Variants in LRFN2 observed in about 807,000 individuals in gnomAD.
LRFN2 encodes leucine-rich repeat and fibronectin type-III domain-containing protein 2.
In LRFN2, 18 loss-of-function variants were observed where a neutral mutation model predicts 37.3. The observed-to-expected ratio is 0.48, with a 90% confidence interval of 0.33 to 0.72. The LOEUF (loss-of-function observed/expected upper bound fraction) is 0.72. Ranked by LOEUF, LRFN2 falls within the 30% of genes least tolerant of loss-of-function variation. The pLI is 0.02. For synonymous variants in LRFN2, 556 were observed against 466.6 expected (o/e 1.19, Z -2.47); for missense variants, 1,006 against 1,060.7 (o/e 0.95, Z 0.72).
chr6:40,450,850 C>T (rs1465288467), intron 1 of LRFN2, among the ~76,000 whole-genome samples: 2 of 152,224 alleles, frequency 1.3e-5, no homozygotes, highest in Non-Finnish European at 1.5e-5. Flanking sequence ...AGTATTATCT[C>T]GAGGAGTACA....
chr6:40,573,299 G>A (rs1767218706), intron 1 of LRFN2, among the ~76,000 whole-genome samples: 1 of 152,196 alleles, frequency 6.6e-6, no homozygotes, highest in Admixed American at 6.5e-5. Context: ...AGGATAGGAG[G>A]CAAGCTGCAG....
intron 2 of LRFN2, 28 bp downstream of exon 2, chr6:40,431,686 C>T (rs1409544783): frequency 1.3e-6 from 2 of 1,499,580 alleles, no homozygotes; most frequent in South Asian, 1.4e-5. Context: ...AGACACCCTC[C>T]CTGCCTTTGC....
At chr6:40,569,989 G>C (rs183989631) in intron 1 of LRFN2, among the ~76,000 whole-genome samples, 15 of 152,102 alleles carry the variant, frequency 9.9e-5, no homozygotes, top group Non-Finnish European at 2.1e-4. Flanking sequence ...TTCTTGGGCT[G>C]TGAATGTCTC....
intron 1 of LRFN2, among the ~76,000 whole-genome samples, chr6:40,492,631 C>T (rs1022919923): frequency 1.3e-5 from 2 of 152,196 alleles, no homozygotes; most frequent in Non-Finnish European, 2.9e-5. Flanking sequence ...GCACTACTCA[C>T]CTGCCCTCAG....
At chr6:40,422,619 C>A (rs914810570) in intron 2 of LRFN2, among the ~76,000 whole-genome samples, 2 of 152,236 alleles carry the variant, frequency 1.3e-5, no homozygotes, top group Admixed American at 6.5e-5. Context: ...TCTGTGAATA[C>A]GCACACGCCT....
At chr6:40,471,920 G>A (rs1466047832) in intron 1 of LRFN2, among the ~76,000 whole-genome samples, 1 of 152,102 alleles carries the variant, frequency 6.6e-6, no homozygotes, top group African/African-American at 2.4e-5. Context: ...AAGCAGCGAG[G>A]GCCTATTTAT....
intron 1 of LRFN2, among the ~76,000 whole-genome samples, chr6:40,452,787 G>A (rs1206902940): frequency 1.3e-5 from 2 of 152,164 alleles, no homozygotes; most frequent in East Asian, 3.9e-4. Flanking sequence ...AGCACACAGA[G>A]AGGAGGTCAC....
chr6:40,528,581 C>T (rs1328256671), intron 1 of LRFN2, among the ~76,000 whole-genome samples: 2 of 152,148 alleles, frequency 1.3e-5, no homozygotes, highest in African/African-American at 2.4e-5. Context: ...GGGCTCCAGG[C>T]TCAGACTAAT....
intron 1 of LRFN2, among the ~76,000 whole-genome samples, chr6:40,441,005 G>T (rs1186380299): frequency 2.6e-5 from 4 of 152,096 alleles, no homozygotes; most frequent in Admixed American, 2.0e-4. Context: ...ACTGAGACTG[G>T]GCCGCTGTAG....
rs878918053 is a variant in LRFN2 at position 40,432,760 on chromosome 6, G to A, written c.354C>T (p.Asp118=). The change falls in exon 2 of 3, where the codon GAC becomes GAT. Residue 118 remains aspartate (D), a synonymous_variant. Coordinates refer to ENST00000338305, the MANE Select transcript of LRFN2 (RefSeq NM_020737.3). ...GCAGGTTGACCAGGCCCCGGAGGGT[G>A]TCCTCCCCAAGGCTTGGCAGCCGAT... ...DSNRLPSLGE[D]TLRGLVNLQH... is the part of the protein sequence containing the mutation. 48 of 1,614,096 alleles carry A rather than the reference G, an allele frequency of 3.0e-5. No individual in the cohort carries two copies. The highest frequency in any genetic ancestry group is 4.0e-5 in the African/African-American group (3 of 74,948).
At chr6:40,533,374 AACACACACACACACACACAC>A (rs58462773) in intron 1 of LRFN2, among the ~76,000 whole-genome samples, 1 of 142,974 alleles carries the variant, frequency 7.0e-6, no homozygotes, top group African/African-American at 2.6e-5. Context: ...TCTTGCTCAA[AACACACACACACACACACAC>A]ACACACACAC....
chr6:40,399,685 G>A (rs1269238951), intron 2 of LRFN2, among the ~76,000 whole-genome samples: 5 of 151,604 alleles, frequency 3.3e-5, no homozygotes, highest in African/African-American at 7.3e-5. Context: ...CCATCCGCCC[G>A]CCTTGGCTTC....
intron 1 of LRFN2, among the ~76,000 whole-genome samples, chr6:40,551,150 G>A (rs936758079): frequency 5.9e-5 from 9 of 152,174 alleles, no homozygotes; most frequent in African/African-American, 2.2e-4. Context: ...AGAGGAACAT[G>A]TGATCCAAGT....
chr6:40,511,982 G>T (rs1765721187), intron 1 of LRFN2, among the ~76,000 whole-genome samples: 1 of 152,146 alleles, frequency 6.6e-6, no homozygotes, highest in Non-Finnish European at 1.5e-5. Flanking sequence ...AGGCAGGGAG[G>T]GTTTTGCAAA....
intron 1 of LRFN2, among the ~76,000 whole-genome samples, chr6:40,544,813 G>C (rs1289312449): frequency 2.6e-5 from 4 of 152,214 alleles, no homozygotes; most frequent in Middle Eastern, 3.2e-3. Context: ...CCAACTCAGT[G>C]ACCAGCGCCA....
chr6:40,424,704 C>T (rs1428437055), intron 2 of LRFN2, among the ~76,000 whole-genome samples: 2 of 152,206 alleles, frequency 1.3e-5, no homozygotes, highest in Non-Finnish European at 2.9e-5. Flanking sequence ...TCTTCCTCTG[C>T]CTGTGGGGAC....
chr6:40,492,278 G>C (rs9357330), intron 1 of LRFN2, among the ~76,000 whole-genome samples: 2 of 152,126 alleles, frequency 1.3e-5, no homozygotes, highest in East Asian at 1.9e-4. Context: ...CGTGAAGGGC[G>C]GGAAGGTGCA....
At chr6:40,548,023 T>C (rs1345912309) in intron 1 of LRFN2, among the ~76,000 whole-genome samples, 3 of 152,216 alleles carry the variant, frequency 2.0e-5, no homozygotes, top group Non-Finnish European at 4.4e-5. Context: ...CCAGAAGGCA[T>C]CATCTTTATT....
chr6:40,517,376 CA>C (rs913028770), intron 1 of LRFN2: 18 of 152,200 alleles, frequency 1.2e-4, no homozygotes, highest in African/African-American at 4.3e-4. Flanking sequence ...ACAGAAGGCA[CA>C]AGATGGGGAA....
Sources: gnomAD v4.1 joint callset for allele counts (sites outside exome capture counted in the v4.1 genomes callset) on GRCh38, gnomAD v4.1.1 for gene constraint, MANE v1.5 for transcripts, NCBI Gene and HGNC (gene_info 2026-07-23, HGNC 2026-07-21) for gene names.